The following WHRN variants were observed in gnomAD, a reference collection of about 807,000 sequenced individuals.
WHRN encodes the protein CASK-interacting protein CIP98.
Under a neutral mutation model 68.3 loss-of-function variants are expected in WHRN, and 41 were observed. That is an observed-to-expected ratio of 0.60 (90% CI 0.47 to 0.78). The LOEUF is 0.78. Among genes scored for constraint, WHRN ranks in the 30% least tolerant of loss-of-function variants. The pLI, the probability that WHRN is intolerant of heterozygous loss-of-function variation, is 0.00. For synonymous variants in WHRN, 560 were observed against 561.3 expected (o/e 1.00, Z 0.03); for missense variants, 1,243 against 1,244.7 (o/e 1.00, Z 0.02).
intron 1 of WHRN, among the ~76,000 whole-genome samples, chr9:114,493,393 G>GA (rs1384678938): frequency 1.4e-5 from 2 of 147,686 alleles, no homozygotes; most frequent in African/African-American, 2.5e-5. Context: ...GGGGTGGGGA[G>GA]AAAAAACGTT....
intron 4 of WHRN, 54 bp from the exon 5 acceptor site, chr9:114,425,078 G>A (rs781209216): frequency 9.5e-6 from 15 of 1,575,190 alleles, no homozygotes; most frequent in South Asian, 4.4e-5. Flanking sequence ...TCAAATGGGC[G>A]TGGGCAAGGG....
At chr9:114,478,888 A>T in intron 1 of WHRN, 117 bp from the exon 2 acceptor site, 1 of 942,896 alleles carries the variant, frequency 1.1e-6, no homozygotes, top group Non-Finnish European at 1.6e-6. Context: ...AGAAGAGGCC[A>T]GCCCTGAAGT....
At chr9:114,501,897 G>A (rs948930152) in intron 1 of WHRN, among the ~76,000 whole-genome samples, 1 of 152,200 alleles carries the variant, frequency 6.6e-6, no homozygotes, top group African/African-American at 2.4e-5. Context: ...AAAAGCTGGG[G>A]CCTCTTTCAG....
chr9:114,403,031 C>T, intron 11 of WHRN, 95 bp from the exon 12 acceptor site: 1 of 1,534,246 alleles, frequency 6.5e-7, no homozygotes, highest in South Asian at 1.2e-5. Flanking sequence ...GCCAAGCAGG[C>T]AGCTACAATC....
chr9:114,409,357 A>T (rs1835265919), intron 7 of WHRN, among the ~76,000 whole-genome samples: 1 of 152,192 alleles, frequency 6.6e-6, no homozygotes. Context: ...ACAGGCATAT[A>T]ATGCAATCGG....
At chr9:114,416,364 T>C (rs1198373242) in intron 7 of WHRN, among the ~76,000 whole-genome samples, 1 of 152,244 alleles carries the variant, frequency 6.6e-6, no homozygotes, top group African/African-American at 2.4e-5. Context: ...CTGAAATGCT[T>C]TGGCTATGTA....
intron 3 of WHRN, among the ~76,000 whole-genome samples, chr9:114,440,193 G>A (rs562559141): frequency 1.8e-3 from 275 of 152,210 alleles, no homozygotes; most frequent in African/African-American, 6.4e-3. Flanking sequence ...GATTACAGCC[G>A]TGAGCCACTG....
chr9:114,468,159 G>A (rs900180434), intron 2 of WHRN, among the ~76,000 whole-genome samples: 12 of 152,064 alleles, frequency 7.9e-5, no homozygotes, highest in African/African-American at 2.9e-4. Flanking sequence ...CTGAAAATGA[G>A]GACAATAATA....
At chr9:114,412,858 C>A (rs971582694) in intron 7 of WHRN, among the ~76,000 whole-genome samples, 2 of 152,310 alleles carry the variant, frequency 1.3e-5, no homozygotes, top group East Asian at 3.9e-4. Context: ...CTGGGCACTG[C>A]GGGGCCACCT....
intron 3 of WHRN, among the ~76,000 whole-genome samples, chr9:114,459,557 G>A (rs1212143521): frequency 6.6e-6 from 1 of 152,336 alleles, no homozygotes; most frequent in African/African-American, 2.4e-5. Flanking sequence ...CAGGGGTGCT[G>A]TCCAGAGACT....
chr9:114,426,831 T>C (rs1049997046), intron 3 of WHRN, among the ~76,000 whole-genome samples: 2 of 152,254 alleles, frequency 1.3e-5, no homozygotes, highest in African/African-American at 2.4e-5. Context: ...ACCTCAACCA[T>C]GCATTCTTAT....
intron 1 of WHRN, among the ~76,000 whole-genome samples, chr9:114,484,395 C>G (rs544103033): frequency 6.6e-6 from 1 of 152,256 alleles, no homozygotes; most frequent in African/African-American, 2.4e-5. Flanking sequence ...TGCCACCTCA[C>G]ACAAGTTACC....
chr9:114,482,583 A>G (rs551911399), intron 1 of WHRN, among the ~76,000 whole-genome samples: 11 of 152,288 alleles, frequency 7.2e-5, no homozygotes, highest in Non-Finnish European at 1.3e-4. Context: ...TTGGCCACAC[A>G]GTAGGAGCTC....
chr9:114,444,579 C>T lies in WHRN; in HGVS notation c.964-18166G>A, dbSNP rs115120554. On this transcript the variant is annotated intron_variant, in intron 3 of 11. Coordinates refer to ENST00000362057, the MANE Select transcript of WHRN (RefSeq NM_015404.4). ...CTCCGAAACCCCCTTCTCTTAAAAA[C>T]GCATCTCCATTCCTGAAATCTAAAG... Among the ~76,000 whole-genome samples, 554 of 152,120 alleles carry T rather than the reference C, an allele frequency of 3.6e-3. 2 individuals carry two copies. The highest frequency in any genetic ancestry group is 0.013 in the African/African-American group (530 of 41,470).
chr9:114,444,499 G>C (rs1042126725), intron 3 of WHRN, among the ~76,000 whole-genome samples: 8 of 151,578 alleles, frequency 5.3e-5, no homozygotes, highest in Non-Finnish European at 1.0e-4. Flanking sequence ...TAATGACATA[G>C]TACAAATAGT....
intron 1 of WHRN, among the ~76,000 whole-genome samples, chr9:114,487,144 A>T (rs1359521580): frequency 2.0e-5 from 3 of 149,462 alleles, no homozygotes; most frequent in Non-Finnish European, 4.4e-5. Context: ...TATATATATA[A>T]AAGGTTTAGC....
chr9:114,403,097 T>A lies in WHRN; in HGVS notation c.2541+120A>T, dbSNP rs537509772. ...GAGGCCCGGAAGAGCAAAGGTGACA[T>A]AAGCCTAGGTCTGCCCTTGAGTGCC... On this transcript the variant is annotated intron_variant, in intron 11 of 11. Coordinates refer to ENST00000362057, the MANE Select transcript of WHRN (RefSeq NM_015404.4). The A allele has an allele frequency of 1.3e-4, 207 of 1,554,122 alleles. 2 individuals carry two copies. In the East Asian group the frequency reaches 4.6e-3, roughly 35 times the overall value.
At chr9:114,493,713 G>T (rs890601073) in intron 1 of WHRN, among the ~76,000 whole-genome samples, 3 of 151,946 alleles carry the variant, frequency 2.0e-5, no homozygotes, top group Non-Finnish European at 4.4e-5. Context: ...TAAGAGAGAG[G>T]AAAAAGGAAA....
chr9:114,505,074 G>A lies in WHRN; in HGVS notation c.-273C>T. On this transcript the variant is annotated 5_prime_UTR_variant, in exon 1 of 12. Coordinates refer to ENST00000362057, the MANE Select transcript of WHRN (RefSeq NM_015404.4). Reference sequence around the variant, plus strand: ...TTCCTGAGAGACACAAGAGTTGGCTGCTGGAGCCCGGAGGTGGCGGAGACT... The same window carrying A: ...TTCCTGAGAGACACAAGAGTTGGCTACTGGAGCCCGGAGGTGGCGGAGACT... 2.4e-6 allele frequency: 1 copy of A among 409,402 alleles called. No individual in the cohort carries two copies. Among genetic ancestry groups the A allele is most frequent in the Non-Finnish European group, 4.2e-6 (1 of 239,816 alleles). The allele number at this position is 409,402 out of a possible 1,614,324, so 25.4% of individuals were successfully genotyped here. A position where few individuals can be genotyped will look rare whatever the true frequency, so the allele number is the denominator to read the frequency against.
Sources: allele counts gnomAD v4.1 joint callset (sites outside exome capture counted in the v4.1 genomes callset), GRCh38; gene constraint gnomAD v4.1.1; transcripts MANE v1.5; gene names NCBI Gene and HGNC (gene_info 2026-07-23, HGNC 2026-07-21).